The following VPS33B variants were observed in gnomAD, a reference collection of about 807,000 sequenced individuals.
The protein encoded by VPS33B is vacuolar protein sorting-associated protein 33B.
In VPS33B, 80 loss-of-function variants were observed where a neutral mutation model predicts 95.3. The observed-to-expected ratio is 0.84, with a 90% confidence interval of 0.70 to 1.01. The LOEUF is 1.01. Ranked by LOEUF, VPS33B falls within the 50% of genes least tolerant of loss-of-function variation. VPS33B has a pLI of 0.00. For synonymous variants in VPS33B, 280 were observed against 280.4 expected (o/e 1.00, Z 0.01); for missense variants, 715 against 773.4 (o/e 0.92, Z 0.90).
At chr15:91,017,623 G>A (rs564272346) in intron 2 of VPS33B, among the ~76,000 whole-genome samples, 182 bp downstream of exon 2, 9 of 150,938 alleles carry the variant, frequency 6.0e-5, no homozygotes, top group South Asian at 2.1e-4. Context: ...GAGAGACTCC[G>A]TCTCCCGCCG....
chr15:91,017,990 G>C (rs1181770058), intron 1 of VPS33B, 105 bp from the exon 2 acceptor site: 1 of 984,264 alleles, frequency 1.0e-6, no homozygotes, highest in Non-Finnish European at 1.6e-6. Context: ...TGAGGTGGGA[G>C]GGCACTAAGT....
chr15:91,019,469 A>T (rs1425908226), intron 1 of VPS33B, among the ~76,000 whole-genome samples: 1 of 152,158 alleles, frequency 6.6e-6, no homozygotes, highest in Non-Finnish European at 1.5e-5. Context: ...AAAATGGTCA[A>T]CAGAGGGTAG....
chr15:91,006,636 G>T lies in VPS33B; in HGVS notation c.778+16C>A. 1 of 1,614,164 alleles carries T rather than the reference G, an allele frequency of 6.2e-7. No individual in the cohort carries two copies. Among genetic ancestry groups the T allele is most frequent in the South Asian group, 1.1e-5 (1 of 91,084 alleles). On this transcript the variant is annotated intron_variant, in intron 10 of 22. Coordinates refer to ENST00000333371, the MANE Select transcript of VPS33B (RefSeq NM_018668.5). This position sits in a 1 kb window ranked among gnomAD's most constrained non-coding sequence, Gnocchi z 5.4. ...CCCGTCCATCTTGCCAAGATGCAGA[G>T]GACCATAGCACTTACCACACTTGAT...
chr15:91,016,635 CG>C (rs1344406639), intron 3 of VPS33B, among the ~76,000 whole-genome samples: 1 of 152,102 alleles, frequency 6.6e-6, no homozygotes, highest in Non-Finnish European at 1.5e-5. Flanking sequence ...CCGCCCGCCT[CG>C]GCCTCCCAAA....
rs2040558625 is a variant in VPS33B, at chr15:91,005,009, A to C, written c.1170+46T>G. On this transcript the variant is annotated intron_variant, in intron 15 of 22. Coordinates refer to ENST00000333371, the MANE Select transcript of VPS33B (RefSeq NM_018668.5). This position sits in a 1 kb window ranked among gnomAD's most constrained non-coding sequence, Gnocchi z 6.4. ...TTTCCTTCTGCTTAAGGCCGACCCC[A>C]CCTCTAAATGCCATTCTTGGCACCC... The C allele has an allele frequency of 6.2e-7, 1 of 1,613,918 alleles. No homozygotes were observed. The highest frequency in any genetic ancestry group is 8.5e-7 in the Non-Finnish European group (1 of 1,179,968).
rs1187420387 is a variant in VPS33B, at chr15:91,005,061, G to A, written c.1164C>T (p.Asp388=). 7 of 1,614,094 alleles carry A rather than the reference G, an allele frequency of 4.3e-6. No individual in the cohort carries two copies. The East Asian group carries it at 1.3e-4, about 31-fold the overall frequency. The change falls in exon 15 of 23, where the codon GAC becomes GAT. Residue 388 remains aspartate, a synonymous_variant. Coordinates refer to ENST00000333371, the MANE Select transcript of VPS33B (RefSeq NM_018668.5). This position sits in a 1 kb window ranked among gnomAD's most constrained non-coding sequence, Gnocchi z 6.4. ...CAGCCCTCCACCTGCGCACCTGCCG[G>A]TCTATGTGTTCCTCAATGTAGCTGG... ...ESTSYIEEHI[D]RQVSPIESLR... is the part of the protein sequence containing the mutation.
rs2040384803 is a variant in VPS33B, at chr15:90,999,877, A to G, written c.1657+23T>C. 6.2e-7 allele frequency: 1 copy of G among 1,614,086 alleles called. No individual in the cohort carries two copies. The highest frequency in any genetic ancestry group is 8.5e-7 in the Non-Finnish European group (1 of 1,180,000). On this transcript the variant is annotated intron_variant, in intron 21 of 22. Coordinates refer to ENST00000333371, the MANE Select transcript of VPS33B (RefSeq NM_018668.5). This position sits in a 1 kb window ranked among gnomAD's most constrained non-coding sequence, Gnocchi z 5.1. ...CCAGCCCACCTCTCACTGCCAGCCT[A>G]CCCCACTGTTAATGCCACATACCTG... is the stretch of plus-strand genomic sequence containing the variant.
intron 16 of VPS33B, 114 bp from the exon 17 acceptor site, chr15:91,003,245 T>C (rs2040495608): frequency 1.9e-6 from 2 of 1,026,324 alleles, no homozygotes; most frequent in East Asian, 2.4e-5. Context: ...ATTCAGTAAA[T>C]GTTAACCCTG....
chr15:90,998,909 G>T lies in VPS33B; in HGVS notation c.*66C>A. On this transcript the variant is annotated 3_prime_UTR_variant, in exon 23 of 23. Coordinates refer to ENST00000333371, the MANE Select transcript of VPS33B (RefSeq NM_018668.5). The surrounding 1 kb of genome is among the most constrained non-coding windows in gnomAD (Gnocchi z 4.8). ...GGACACTTGGTTATAGCAGCTGGGTGCCAGATGCCTGCATCTCACTGAGGA... is the reference window on the plus strand; with the variant it reads ...GGACACTTGGTTATAGCAGCTGGGTTCCAGATGCCTGCATCTCACTGAGGA... 1 of 1,553,588 alleles carries T rather than the reference G, an allele frequency of 6.4e-7. No homozygotes were observed. Among genetic ancestry groups the T allele is most frequent in the Non-Finnish European group, 8.8e-7 (1 of 1,130,354 alleles).
downstream of VPS33B, chr15:90,998,588 C>G (rs1490080507): frequency 2.9e-6 from 1 of 347,210 alleles, no homozygotes; most frequent in East Asian, 7.3e-5. The surrounding 1 kb of genome is among the most constrained non-coding windows in gnomAD (Gnocchi z 4.8). Flanking sequence ...AAGTCCAGGC[C>G]AAGAAGCACA....
In VPS33B at chr15:91,005,460, G is replaced by C; in HGVS notation, c.1031-6C>G. On this transcript the variant is annotated splice_polypyrimidine_tract_variant and splice_region_variant and intron_variant, in intron 13 of 22. Transcript: ENST00000333371. The surrounding 1 kb of genome is among the most constrained non-coding windows in gnomAD (Gnocchi z 6.4). The stretch of plus-strand genomic sequence containing the variant: ...GGATTCACAGGCCCCAATATCTGCA[G>C]GTTGGACAAAGGGAGCTGACATACT... 1 of 1,614,024 alleles carries C rather than the reference G, an allele frequency of 6.2e-7. No individual in the cohort carries two copies. The highest frequency in any genetic ancestry group is 1.1e-5 in the South Asian group (1 of 91,080).
rs1215081383 is a variant in VPS33B at position 91,018,401 on chromosome 15, C to T, written c.97-516G>A. 2.0e-5 allele frequency among the ~76,000 whole-genome samples: 3 copies of T among 152,144 alleles called. No homozygotes were observed. In the East Asian group the frequency reaches 5.8e-4, roughly 29 times the overall value. The stretch of plus-strand genomic sequence containing the variant: ...AATCCCTGTCATACGATTCCTGCAC[C>T]ACCACTCCTGACACCGATCTCAATG... On this transcript the variant is annotated intron_variant, in intron 1 of 22. Transcript: ENST00000333371. This position sits in a 1 kb window ranked among gnomAD's most constrained non-coding sequence, Gnocchi z 4.7.
At position 91,004,644 on chromosome 15, in the gene VPS33B, C is replaced by T. The variant is rs562488298; in HGVS notation, c.1225+233G>A. On this transcript the variant is annotated intron_variant, in intron 16 of 22. Coordinates refer to ENST00000333371, the MANE Select transcript of VPS33B (RefSeq NM_018668.5). ...CACTCAGCTCTGCACCCCTGCAGTC[C>T]TAAGATATGACAAGGCTCTAGGGTG... 4.6e-5 allele frequency among the ~76,000 whole-genome samples: 7 copies of T among 152,220 alleles called. No individual in the cohort carries two copies. The South Asian group carries it at 1.2e-3, about 27-fold the overall frequency.
At chr15:91,020,611 T>G (rs868457763) in intron 1 of VPS33B, among the ~76,000 whole-genome samples, 14 of 152,190 alleles carry the variant, frequency 9.2e-5, no homozygotes, top group East Asian at 1.9e-4. Context: ...CCGGGAGTGG[T>G]AGCTCAAGCC....
rs371492112 is a variant in VPS33B at position 91,017,670 on chromosome 15, A to G, written c.177+135T>C. The stretch of plus-strand genomic sequence containing the variant: ...AAAACAAAAAAATACGAACAGCATC[A>G]ATCTCCCTTTTCTACCCAATTAAGC... On this transcript the variant is annotated intron_variant, in intron 2 of 22. Transcript: ENST00000333371. 63 of 828,522 alleles carry G rather than the reference A, an allele frequency of 7.6e-5. No homozygotes were observed. The African/African-American group carries it at 1.0e-3, about 14-fold the overall frequency. 51.3% of individuals were successfully genotyped at this position (828,522 alleles called of 1,614,324 possible).
chr15:91,001,414 C>T lies in VPS33B; in HGVS notation c.1454G>A (p.Arg485His), dbSNP rs141601851. ...FSSLAKRSNF[R>H]AISKKLNLIP... ...CAAATTCAGCTTTTTGCTGATGGCA[C>T]GAAAATTGCTCCTCTTGGCCAGAGA... The change falls in exon 19 of 23, where the codon CGT becomes CAT. Residue 485 changes from arginine (R) to histidine (H), a missense_variant. By Grantham distance (29) the Arg-to-His change is conservative. Coordinates refer to ENST00000333371, the MANE Select transcript of VPS33B (RefSeq NM_018668.5). 1.4e-5 allele frequency: 22 copies of T among 1,613,774 alleles called. No homozygotes were observed. The highest frequency in any genetic ancestry group is 2.7e-5 in the African/African-American group (2 of 74,856).
rs35441561 is a variant in VPS33B, at chr15:91,009,449, A to G, written c.403+352T>C. Among the ~76,000 whole-genome samples, 22,741 of 151,540 alleles carry G rather than the reference A, an allele frequency of 0.15. 2,316 individuals are homozygous for G. Among genetic ancestry groups the G allele is most frequent in the African/African-American group, 0.28 (11,719 of 41,268 alleles). ...AGCCTCCCGAGTAGCTGGGATTACA[A>G]GCGTGCGCCATCACGCCCAGCTAAT... On this transcript the variant is annotated intron_variant, in intron 6 of 22. Transcript: ENST00000333371. The surrounding 1 kb of genome is among the most constrained non-coding windows in gnomAD (Gnocchi z 4.1).
rs367566629 is a variant in VPS33B, at chr15:91,018,960, G to A, written c.97-1075C>T. Among the ~76,000 whole-genome samples the A allele has an allele frequency of 5.9e-5, 9 of 151,868 alleles. No homozygotes were observed. The highest frequency in any genetic ancestry group is 2.2e-4 in the African/African-American group (9 of 41,392). On this transcript the variant is annotated intron_variant, in intron 1 of 22. Coordinates refer to ENST00000333371, the MANE Select transcript of VPS33B (RefSeq NM_018668.5). The surrounding 1 kb of genome is among the most constrained non-coding windows in gnomAD (Gnocchi z 4.7). Reference sequence around the variant, plus strand: ...CTCCCGAGTAGCTGAGATTACAGGTGCCTGCCACCACACCTGGCTAATTTT... The same window carrying A: ...CTCCCGAGTAGCTGAGATTACAGGTACCTGCCACCACACCTGGCTAATTTT...
At chr15:91,004,769 A>G (rs193053707) in intron 16 of VPS33B, 108 bp downstream of exon 16, 1 of 1,286,724 alleles carries the variant, frequency 7.8e-7, no homozygotes, top group East Asian at 2.3e-5. Context: ...TTACAGGGAA[A>G]CATTCTGTTT....
Sources: allele counts gnomAD v4.1 joint callset (sites outside exome capture counted in the v4.1 genomes callset), GRCh38; gene constraint gnomAD v4.1.1; non-coding constraint Gnocchi (gnomAD v3.1); transcripts MANE v1.5; gene names NCBI Gene and HGNC (gene_info 2026-07-23, HGNC 2026-07-21).